FAM228A: variants seen among roughly 807,000 people sequenced by gnomAD.
FAM228A encodes the protein family with sequence similarity 228 member A, also known as protein FAM228A.
FAM228A carries 13 observed loss-of-function variants against 18.6 expected under a neutral mutation model. The ratio of observed to expected loss-of-function variants is 0.70; its 90% CI spans 0.45 to 1.11. The LOEUF (loss-of-function observed/expected upper bound fraction) is 1.11. FAM228A is among the 50% of genes least tolerant of loss of function. FAM228A has a pLI of 0.00. For missense variants in FAM228A, 240 were observed against 242.2 expected (o/e 0.99, Z 0.06); for synonymous variants, 77 against 86.6 (o/e 0.89, Z 0.61).
At chr2:24,183,782 A>G (rs954665198) in intron 5 of FAM228A, 137 bp downstream of exon 5, 9 of 727,546 alleles carry the variant, frequency 1.2e-5, no homozygotes, top group East Asian at 5.6e-5. Context: ...CCTTTGTATT[A>G]TGAAATATAT....
At chr2:24,188,269 T>C (rs1211755179) in intron 5 of FAM228A, among the ~76,000 whole-genome samples, 3 of 152,226 alleles carry the variant, frequency 2.0e-5, no homozygotes, top group Non-Finnish European at 4.4e-5. Context: ...ATTTTTATTT[T>C]TAGAGCTGGC....
At chr2:24,175,626 T>G in intron 2 of FAM228A, 53 bp downstream of exon 2, 1 of 1,316,886 alleles carries the variant, frequency 7.6e-7, no homozygotes, top group Non-Finnish European at 1.1e-6. Context: ...ACCCCTCGAG[T>G]TTGGGAACTG....
intron 5 of FAM228A, among the ~76,000 whole-genome samples, chr2:24,184,169 C>G (rs1667886711): frequency 6.6e-6 from 1 of 152,142 alleles, no homozygotes; most frequent in Non-Finnish European, 1.5e-5. Flanking sequence ...CACCTGAGGT[C>G]AGGAGTTTGA....
intron 4 of FAM228A, 54 bp from the exon 5 acceptor site, chr2:24,183,441 A>G (rs1667864827): frequency 1.2e-6 from 2 of 1,611,296 alleles, no homozygotes; most frequent in African/African-American, 1.3e-5. Flanking sequence ...CACTCCTTCA[A>G]GAGCAACTGG....
chr2:24,190,807 G>A lies in FAM228A; in HGVS notation c.*176G>A. Reference sequence around the variant, plus strand: ...TTGCATGAAGAAACTCAGACAAGTGGTAAATGTGGGACCTGGACCCCACTT... The same window carrying A: ...TTGCATGAAGAAACTCAGACAAGTGATAAATGTGGGACCTGGACCCCACTT... On this transcript the variant is annotated 3_prime_UTR_variant, in exon 6 of 6. Transcript: ENST00000295150. 1 of 1,308,794 alleles carries A rather than the reference G, an allele frequency of 7.6e-7. No individual in the cohort carries two copies. 81.1% of individuals were successfully genotyped at this position (1,308,794 alleles called of 1,614,324 possible).
At chr2:24,178,126 C>T (rs1484839486) in intron 3 of FAM228A, among the ~76,000 whole-genome samples, 1 of 152,204 alleles carries the variant, frequency 6.6e-6, no homozygotes, top group Non-Finnish European at 1.5e-5. Flanking sequence ...TGCTCCTTCT[C>T]TTCGTCCTGG....
rs1667657449 is a variant in FAM228A at position 24,175,475 on chromosome 2, C to G, written c.-6C>G. ...ACCTTTTCATCCCTCAGGGATTCTC[C>G]TGTCCATGGCTGCCACCAAAACTGC... On this transcript the variant is annotated 5_prime_UTR_variant, in exon 2 of 6. Coordinates refer to ENST00000295150, the MANE Select transcript of FAM228A (RefSeq NM_001040710.3). 4 of 1,612,918 alleles carry G rather than the reference C, an allele frequency of 2.5e-6. No homozygotes were observed. Among genetic ancestry groups the G allele is most frequent in the Non-Finnish European group, 3.4e-6 (4 of 1,178,982 alleles).
At chr2:24,179,115 T>G in intron 3 of FAM228A, 1 of 1,034,422 alleles carries the variant, frequency 9.7e-7, no homozygotes. Flanking sequence ...CACTAGAGAT[T>G]GGATATGTAT....
At chr2:24,177,538 A>T (rs1191108974) in intron 2 of FAM228A, among the ~76,000 whole-genome samples, 1 of 37,988 alleles carries the variant, frequency 2.6e-5, no homozygotes, top group Non-Finnish European at 1.3e-4. Context: ...ATATGCTATC[A>T]GGGATTTTTT....
At chr2:24,175,611 G>A (rs757162005) in intron 2 of FAM228A, 38 bp downstream of exon 2, 1 of 1,486,460 alleles carries the variant, frequency 6.7e-7, no homozygotes, top group South Asian at 1.1e-5. Flanking sequence ...CATTTTGGCG[G>A]GGGGACCCCT....
Position 24,190,580 on chromosome 2 carries a change from G to A in FAM228A, c.570G>A (p.Trp190Ter). The A allele has an allele frequency of 6.2e-7, 1 of 1,607,962 alleles. No individual in the cohort carries two copies. Among genetic ancestry groups the A allele is most frequent in the South Asian group, 1.1e-5 (1 of 90,034 alleles). Residue 190 changes from tryptophan (W) to a stop codon, truncating the protein, a stop_gained, in exon 6 of 6, where the codon TGG (tryptophan) becomes TGA (stop). Coordinates refer to ENST00000295150, the MANE Select transcript of FAM228A (RefSeq NM_001040710.3). LOFTEE classifies it low-confidence loss of function (END_TRUNC). ...TGAGCAGAGGCCTGGGGCGGGGCTGGCATGCAGGGCTTTGCAGCACCCACG... is the reference window on the plus strand; with the variant it reads ...TGAGCAGAGGCCTGGGGCGGGGCTGACATGCAGGGCTTTGCAGCACCCACG... ...GLVSRGLGRG[W>*]HAGLCSTHEQ...
chr2:24,188,641 C>G (rs1009427757), intron 5 of FAM228A: 1 of 985,302 alleles, frequency 1.0e-6, no homozygotes, highest in Admixed American at 6.1e-5. Context: ...TACCTTGGTA[C>G]TTAATATTGG....
chr2:24,181,056 C>T (rs986013949), intron 3 of FAM228A, among the ~76,000 whole-genome samples: 5 of 124,450 alleles, frequency 4.0e-5, no homozygotes, highest in Admixed American at 3.9e-4. Context: ...GACGGACTTT[C>T]TTGAGGTTAA....
chr2:24,181,660 A>G lies in FAM228A; in HGVS notation c.163-1625A>G, dbSNP rs540483611. On this transcript the variant is annotated intron_variant, in intron 3 of 5. Transcript: ENST00000295150. ...CTTGGCTTCCCAAAGTGCTGGGATC[A>G]CAGGTGTGAGCCACTGTGCCCGGCC... Among the ~76,000 whole-genome samples the G allele has an allele frequency of 7.9e-5, 12 of 152,290 alleles. No homozygotes were observed. In the South Asian group the frequency reaches 2.3e-3, roughly 29 times the overall value.
chr2:24,187,526 C>G (rs1043300391), intron 5 of FAM228A, among the ~76,000 whole-genome samples: 1 of 152,242 alleles, frequency 6.6e-6, no homozygotes, highest in Non-Finnish European at 1.5e-5. Flanking sequence ...ATCCATCATT[C>G]TGTTCCAGTG....
In FAM228A at chr2:24,180,950, T is replaced by G. The variant is rs1423699876; in HGVS notation, c.163-2335T>G. Among the ~76,000 whole-genome samples the G allele has an allele frequency of 3.3e-5, 5 of 152,198 alleles. No individual in the cohort carries two copies. In the South Asian group the frequency reaches 1.0e-3, roughly 32 times the overall value. ...ATGACACGAGGGGGAATGAACCTTT[T>G]AAGTATTTTAAAGGCCGACATTAGC... On this transcript the variant is annotated intron_variant, in intron 3 of 5. Transcript: ENST00000295150.
intron 5 of FAM228A, among the ~76,000 whole-genome samples, chr2:24,184,913 C>G (rs1667908198): frequency 6.6e-6 from 1 of 151,484 alleles, no homozygotes; most frequent in South Asian, 2.1e-4. Flanking sequence ...ACCTCTGCCT[C>G]CCGGGTTCAA....
At chr2:24,176,353 T>TAA (rs66807709) in intron 2 of FAM228A, 171 of 265,654 alleles carry the variant, frequency 6.4e-4, no homozygotes, top group Non-Finnish European at 9.3e-4. Flanking sequence ...TCATTTTAAT[T>TAA]AAAAAAAATA....
In FAM228A at chr2:24,186,392, A is replaced by G. The variant is rs368174801; in HGVS notation, c.401+2747A>G. ...TTTCCTTACCTTACAGTACCAGTTA[A>G]GATCTCTGGCACAAAGTTGAAGTGG... On this transcript the variant is annotated intron_variant, in intron 5 of 5. Coordinates refer to ENST00000295150, the MANE Select transcript of FAM228A (RefSeq NM_001040710.3). 1.1e-4 allele frequency among the ~76,000 whole-genome samples: 17 copies of G among 152,148 alleles called. No homozygotes were observed. The East Asian group carries it at 1.2e-3, about 10-fold the overall frequency.
Sources: gnomAD v4.1 joint callset for allele counts (sites outside exome capture counted in the v4.1 genomes callset) on GRCh38, gnomAD v4.1.1 for gene constraint, MANE v1.5 for transcripts, NCBI Gene and HGNC (gene_info 2026-07-23, HGNC 2026-07-21) for gene names.